The following SLC24A3 variants were observed in gnomAD, a reference collection of about 807,000 sequenced individuals.
SLC24A3 encodes the protein sodium/potassium/calcium exchanger 3.
In SLC24A3, 28 loss-of-function variants were observed where a neutral mutation model predicts 75.8. The observed-to-expected ratio is 0.37, with a 90% CI of 0.27 to 0.51. The LOEUF is 0.51. Ranked by LOEUF, SLC24A3 falls within the 20% of genes least tolerant of loss-of-function variation. The pLI is 0.94. For synonymous variants in SLC24A3, 372 were observed against 334.1 expected (o/e 1.11, Z -1.24); for missense variants, 663 against 847.8 (o/e 0.78, Z 2.71).
intron 2 of SLC24A3, among the ~76,000 whole-genome samples, chr20:19,343,110 G>A (rs1407348014): frequency 1.3e-5 from 2 of 150,654 alleles, no homozygotes; most frequent in African/African-American, 4.9e-5. Context: ...AAAAGAAAAG[G>A]CAGAAAAATC....
At chr20:19,367,106 C>G (rs1175666781) in intron 2 of SLC24A3, among the ~76,000 whole-genome samples, 1 of 152,210 alleles carries the variant, frequency 6.6e-6, no homozygotes, top group Non-Finnish European at 1.5e-5. Flanking sequence ...GACAGAAGAA[C>G]TGAATTTTGA....
rs1479464589 is a variant in SLC24A3, at chr20:19,543,119, G to A, written c.348+27555G>A. Among the ~76,000 whole-genome samples the A allele has an allele frequency of 2.6e-5, 4 of 152,134 alleles. No homozygotes were observed. The East Asian group carries it at 7.7e-4, about 29-fold the overall frequency. On this transcript the variant is annotated intron_variant, in intron 3 of 16. Transcript: ENST00000328041. ...TCTATTCCTCAAATGAGCCAGGGAG[G>A]TTCATCTCACTGTCCCCATTATACA...
At chr20:19,223,304 G>A (rs1981782326) in intron 1 of SLC24A3, among the ~76,000 whole-genome samples, 2 of 152,166 alleles carry the variant, frequency 1.3e-5, no homozygotes, top group Non-Finnish European at 2.9e-5. Flanking sequence ...GGGTGGTGCG[G>A]TGGGGGAGAA....
At chr20:19,350,713 C>A (rs146299319) in intron 2 of SLC24A3, among the ~76,000 whole-genome samples, 3 of 152,290 alleles carry the variant, frequency 2.0e-5, no homozygotes, top group Admixed American at 6.5e-5. Flanking sequence ...ACTTGATATT[C>A]TTTTCCTTTC....
chr20:19,331,883 G>A (rs918632532), intron 2 of SLC24A3, among the ~76,000 whole-genome samples: 2 of 152,220 alleles, frequency 1.3e-5, no homozygotes, highest in Non-Finnish European at 2.9e-5. Context: ...GTCGATGGGA[G>A]GCGTCCTTTG....
At chr20:19,498,983 T>A (rs1431941785) in intron 2 of SLC24A3, among the ~76,000 whole-genome samples, 3 of 152,146 alleles carry the variant, frequency 2.0e-5, no homozygotes, top group African/African-American at 7.2e-5. Flanking sequence ...GACCACAGAC[T>A]TGGAGAGGCC....
chr20:19,446,102 A>G (rs1987378767), intron 2 of SLC24A3, among the ~76,000 whole-genome samples: 1 of 152,058 alleles, frequency 6.6e-6, no homozygotes, highest in South Asian at 2.1e-4. Context: ...TCTGCCCAGG[A>G]CCCCAAGTTG....
At chr20:19,469,172 G>A (rs1488368323) in intron 2 of SLC24A3, among the ~76,000 whole-genome samples, 1 of 152,096 alleles carries the variant, frequency 6.6e-6, no homozygotes, top group Non-Finnish European at 1.5e-5. Context: ...GGACGGATGA[G>A]CAGAGACCAA....
chr20:19,409,574 AG>A (rs1189649392), intron 2 of SLC24A3, among the ~76,000 whole-genome samples: 1 of 152,186 alleles, frequency 6.6e-6, no homozygotes, highest in Non-Finnish European at 1.5e-5. Flanking sequence ...GGAGTAGGGG[AG>A]ATACATTTCT....
At chr20:19,653,998 A>C in intron 6 of SLC24A3, 64 bp from the exon 7 acceptor site, 39 of 1,404,114 alleles carry the variant, frequency 2.8e-5, no homozygotes, top group Non-Finnish European at 3.8e-5. Flanking sequence ...TAAACCTGCA[A>C]GAGTCCCGCC....
intron 7 of SLC24A3, 54 bp from the exon 8 acceptor site, chr20:19,665,792 CGTGTGTGTGTGTGTGTGT>C (rs58371474): frequency 2.6e-5 from 31 of 1,203,202 alleles, no homozygotes; most frequent in Middle Eastern, 4.3e-4. Context: ...AGCCTTAAAG[CGTGTGTGTGTGTGTGTGT>C]GTGTGTGTGT....
intron 2 of SLC24A3, among the ~76,000 whole-genome samples, chr20:19,350,558 C>T (rs1304115438): frequency 1.3e-5 from 2 of 152,174 alleles, no homozygotes; most frequent in African/African-American, 4.8e-5. Context: ...GCCACTACGC[C>T]TGCCAGACAT....
chr20:19,572,159 A>G (rs2031062376), intron 3 of SLC24A3, among the ~76,000 whole-genome samples: 1 of 152,096 alleles, frequency 6.6e-6, no homozygotes, highest in Non-Finnish European at 1.5e-5. Flanking sequence ...CAACATAGGG[A>G]GGAGCCCCCT....
chr20:19,508,706 C>T (rs753432000), intron 2 of SLC24A3, among the ~76,000 whole-genome samples: 43 of 152,158 alleles, frequency 2.8e-4, no homozygotes, highest in Middle Eastern at 6.8e-3. Context: ...CCAGGGCTGG[C>T]GGGATGCACT....
intron 3 of SLC24A3, among the ~76,000 whole-genome samples, chr20:19,578,509 C>T (rs564888416): frequency 6.6e-6 from 1 of 152,042 alleles, no homozygotes; most frequent in South Asian, 2.1e-4. Flanking sequence ...TCAGCTTCTC[C>T]ACTTATCTCT....
intron 8 of SLC24A3, among the ~76,000 whole-genome samples, chr20:19,672,766 T>C (rs1306913138): frequency 6.6e-6 from 1 of 152,220 alleles, no homozygotes; most frequent in East Asian, 1.9e-4. Context: ...AAAACCCTTG[T>C]GTATGTATCC....
At chr20:19,248,409 A>T (rs576144443) in intron 1 of SLC24A3, among the ~76,000 whole-genome samples, 1 of 152,248 alleles carries the variant, frequency 6.6e-6, no homozygotes, top group South Asian at 2.1e-4. Context: ...ATTTTTTCTC[A>T]AATCTTTAAA....
At chr20:19,247,345 T>C (rs1431826124) in intron 1 of SLC24A3, among the ~76,000 whole-genome samples, 1 of 152,252 alleles carries the variant, frequency 6.6e-6, no homozygotes, top group Non-Finnish European at 1.5e-5. Context: ...CCAGTTACTT[T>C]GCATAATATT....
chr20:19,693,191 A>G, intron 12 of SLC24A3, 68 bp from the exon 13 acceptor site: 1 of 1,514,250 alleles, frequency 6.6e-7, no homozygotes, highest in Non-Finnish European at 8.9e-7. Flanking sequence ...CAGAGCAAAG[A>G]AATAAAGCTA....
Sources: allele counts gnomAD v4.1 joint callset (sites outside exome capture counted in the v4.1 genomes callset), GRCh38; gene constraint gnomAD v4.1.1; transcripts MANE v1.5; gene names NCBI Gene and HGNC (gene_info 2026-07-23, HGNC 2026-07-21).